The following GLMN variants were observed in gnomAD, a reference collection of about 807,000 sequenced individuals.
GLMN encodes glomulin.
GLMN carries 75 observed loss-of-function variants against 87.8 expected under a neutral mutation model. The ratio of observed to expected loss-of-function variants is 0.85; its 90% CI spans 0.71 to 1.04. GLMN has a LOEUF of 1.04. Ranked by LOEUF, GLMN falls within the 50% of genes least tolerant of loss-of-function variation. GLMN has a pLI of 0.00. For missense variants in GLMN, 588 were observed against 658.8 expected (o/e 0.89, Z 1.18); for synonymous variants, 206 against 221.6 (o/e 0.93, Z 0.63).
At chr1:92,315,165 A>G in the GLMN span, among the ~76,000 whole-genome samples, 1 of 152,234 alleles carries the variant, frequency 6.6e-6, no homozygotes, top group African/African-American at 2.4e-5. Flanking sequence ...TGAGTCTTCC[A>G]TTGTAAAGTT....
the GLMN span, chr1:92,336,391 T>C: frequency 6.2e-7 from 1 of 1,610,626 alleles, no homozygotes; most frequent in Admixed American, 1.7e-5. Context: ...TTGGGAGATA[T>C]TTACACACAA....
At chr1:92,264,488 T>A in intron 14 of GLMN, 66 bp downstream of exon 14, 1 of 774,686 alleles carries the variant, frequency 1.3e-6, no homozygotes, top group South Asian at 1.4e-5. Context: ...CATTAATGTA[T>A]TCTACATATG....
At chr1:92,294,430 C>T (rs189890529) in intron 3 of GLMN, among the ~76,000 whole-genome samples, 2 of 152,064 alleles carry the variant, frequency 1.3e-5, no homozygotes, top group Non-Finnish European at 2.9e-5. Flanking sequence ...ATGAATAGTA[C>T]CAAACACTAT....
chr1:92,367,885 T>C, the GLMN span, among the ~76,000 whole-genome samples: 1 of 152,256 alleles, frequency 6.6e-6, no homozygotes, highest in Non-Finnish European at 1.5e-5. Flanking sequence ...AAATAAATTA[T>C]GAACGCTCAG....
At chr1:92,303,919 C>A, upstream of GLMN, 3 of 1,145,182 alleles carry the variant, frequency 2.6e-6, no homozygotes, top group Non-Finnish European at 2.6e-6. Context: ...GCTTAGAGAG[C>A]TGATAAATGA....
chr1:92,285,307 C>A (rs929992839), intron 7 of GLMN, among the ~76,000 whole-genome samples: 16 of 152,264 alleles, frequency 1.1e-4, no homozygotes, highest in African/African-American at 3.9e-4. Context: ...AGTTCATGTC[C>A]TTTGCAGGGA....
At chr1:92,266,779 AT>A in intron 11 of GLMN, 38 bp from the exon 12 acceptor site, 1 of 1,362,608 alleles carries the variant, frequency 7.3e-7, no homozygotes, top group Non-Finnish European at 1.0e-6. Flanking sequence ...ATGTAAACAG[AT>A]TATACTGACT....
the GLMN span, among the ~76,000 whole-genome samples, chr1:92,316,059 C>T: frequency 5.1e-3 from 776 of 152,268 alleles, 1 homozygote; most frequent in African/African-American, 0.018. Context: ...TAGGCTCTGA[C>T]AAGCCTTTGA....
intron 5 of GLMN, among the ~76,000 whole-genome samples, chr1:92,289,786 CCCAA>C (rs1347002958): frequency 6.6e-6 from 1 of 152,130 alleles, no homozygotes; most frequent in Admixed American, 6.5e-5. Flanking sequence ...AATCCAACCT[CCCAA>C]AGCAGAGGCT....
At chr1:92,279,367 G>A (rs1370733579) in intron 7 of GLMN, among the ~76,000 whole-genome samples, 1 of 145,604 alleles carries the variant, frequency 6.9e-6, no homozygotes, top group Non-Finnish European at 1.5e-5. Context: ...TGAGGCAGGA[G>A]AATTGCTTGA....
chr1:92,303,758 A>AT (rs201493847), upstream of GLMN, among the ~76,000 whole-genome samples: 1,214 of 152,238 alleles, frequency 8.0e-3, 14 homozygotes, highest in African/African-American at 0.028. Context: ...TGTGGCAGAA[A>AT]TTTTTTTAAT....
intron 16 of GLMN, among the ~76,000 whole-genome samples, chr1:92,252,141 C>T (rs1653601104): frequency 1.3e-5 from 2 of 152,122 alleles, no homozygotes; most frequent in Admixed American, 6.5e-5. Flanking sequence ...TCTCTTCAGC[C>T]AAAAATTTTA....
the GLMN span, among the ~76,000 whole-genome samples, chr1:92,370,530 T>C: frequency 6.6e-6 from 1 of 152,214 alleles, no homozygotes; most frequent in Admixed American, 6.5e-5. Flanking sequence ...TTAGATTATA[T>C]ATGAGAAACA....
chr1:92,264,174 G>A (rs761498652), intron 14 of GLMN, among the ~76,000 whole-genome samples: 11 of 151,950 alleles, frequency 7.2e-5, no homozygotes, highest in Non-Finnish European at 1.6e-4. Flanking sequence ...TCAGCCAGGC[G>A]CACTGGTGGA....
At chr1:92,311,500 G>A in the GLMN span, among the ~76,000 whole-genome samples, 1 of 152,210 alleles carries the variant, frequency 6.6e-6, no homozygotes, top group African/African-American at 2.4e-5. Flanking sequence ...CTGATAAAAT[G>A]TAGATCAAAG....
At chr1:92,263,592 A>G in intron 15 of GLMN, 31 bp downstream of exon 15, 1 of 909,852 alleles carries the variant, frequency 1.1e-6, no homozygotes, top group Non-Finnish European at 1.9e-6. Context: ...TTCTGAATTT[A>G]CTATGTGAAC....
the GLMN span, among the ~76,000 whole-genome samples, chr1:92,313,388 G>C: frequency 6.6e-6 from 1 of 151,976 alleles, no homozygotes; most frequent in African/African-American, 2.4e-5. Context: ...ATTTGCATCA[G>C]AGTTCTTGGG....
In GLMN at chr1:92,298,971, T is replaced by A. The variant is rs993967132; in HGVS notation, c.-77A>T. On this transcript the variant is annotated 5_prime_UTR_variant, in exon 1 of 19. Transcript: ENST00000370360. ...CCAGCCGCCGCCACCTCCTCCGGCG[T>A]CTTAGCCCGCTCTTCTGGCCCCGCC... 9 of 537,418 alleles carry A rather than the reference T, an allele frequency of 1.7e-5. No individual in the cohort carries two copies. The African/African-American group carries it at 1.8e-4, about 11-fold the overall frequency. 33.3% of individuals were successfully genotyped at this position (537,418 alleles called of 1,614,324 possible).
chr1:92,306,800 T>TA, the GLMN span, among the ~76,000 whole-genome samples: 1 of 151,816 alleles, frequency 6.6e-6, no homozygotes, highest in South Asian at 2.1e-4. Context: ...ACCCTGTCCC[T>TA]AAAAAAAATA....
Sources: gnomAD v4.1 joint callset for allele counts (sites outside exome capture counted in the v4.1 genomes callset) on GRCh38, gnomAD v4.1.1 for gene constraint, MANE v1.5 for transcripts, NCBI Gene and HGNC (gene_info 2026-07-23, HGNC 2026-07-21) for gene names.